The following MAF variants were observed in gnomAD, a reference collection of about 807,000 sequenced individuals.
The protein encoded by MAF is transcription factor Maf.
In MAF, 10 loss-of-function variants were observed where a neutral mutation model predicts 22.0. That is an observed-to-expected ratio of 0.45 (90% CI 0.28 to 0.77). The LOEUF is 0.77. Among genes scored for constraint, MAF ranks in the 30% least tolerant of loss-of-function variants. MAF has a pLI of 0.12. For missense variants in MAF, 544 were observed against 548.4 expected, an observed-to-expected ratio of 0.99 and a Z score of 0.08; for synonymous variants, 337 against 255.8, an observed-to-expected ratio of 1.32 and a Z score of -3.03.
the MAF span, among the ~76,000 whole-genome samples, chr16:79,362,346 C>T: frequency 6.6e-6 from 1 of 152,190 alleles, no homozygotes. Flanking sequence ...CTCTCGCTGA[C>T]ACACACAGAT....
the MAF span, among the ~76,000 whole-genome samples, chr16:79,439,512 G>A: frequency 6.6e-6 from 1 of 151,924 alleles, no homozygotes; most frequent in East Asian, 1.9e-4. Context: ...CACCCACCTC[G>A]GCCTCCCAAA....
chr16:79,481,939 A>C, the MAF span, among the ~76,000 whole-genome samples: 1 of 152,154 alleles, frequency 6.6e-6, no homozygotes, highest in African/African-American at 2.4e-5. Context: ...GACTTAGAGA[A>C]AATTTGTCAG....
At chr16:79,311,478 A>G in the MAF span, among the ~76,000 whole-genome samples, 1 of 148,906 alleles carries the variant, frequency 6.7e-6, no homozygotes, top group African/African-American at 2.5e-5. Context: ...CAAAACCGGC[A>G]TGGGAATATT....
the MAF span, among the ~76,000 whole-genome samples, chr16:79,578,218 T>A: frequency 6.6e-6 from 1 of 152,226 alleles, no homozygotes; most frequent in Non-Finnish European, 1.5e-5. Context: ...TAATATGCTA[T>A]GTGCACTGTA....
chr16:79,558,345 A>G, the MAF span, among the ~76,000 whole-genome samples: 1 of 152,182 alleles, frequency 6.6e-6, no homozygotes. Context: ...GAAGGAAGAG[A>G]GGCTGGTCCA....
the MAF span, among the ~76,000 whole-genome samples, chr16:79,297,385 A>C: frequency 6.6e-6 from 1 of 152,204 alleles, no homozygotes; most frequent in Non-Finnish European, 1.5e-5. Context: ...GACTGTGGGC[A>C]AGGCTTGATG....
chr16:79,464,843 T>A, the MAF span, among the ~76,000 whole-genome samples: 3 of 152,130 alleles, frequency 2.0e-5, no homozygotes, highest in African/African-American at 7.2e-5. Flanking sequence ...AGAAAGTAAG[T>A]CATGGGACCT....
chr16:79,543,544 T>A, the MAF span, among the ~76,000 whole-genome samples: 7,091 of 152,296 alleles, frequency 0.047, 217 homozygotes, highest in South Asian at 0.096. Flanking sequence ...ACAGACGCGC[T>A]CAGTCACAAA....
the MAF span, among the ~76,000 whole-genome samples, chr16:79,511,957 C>T: frequency 3.9e-5 from 6 of 152,310 alleles, 1 homozygote; most frequent in Non-Finnish European, 1.5e-5. Flanking sequence ...GACTGCTGCT[C>T]TGTTATATAT....
the MAF span, among the ~76,000 whole-genome samples, chr16:79,223,461 G>T: frequency 6.6e-6 from 1 of 152,274 alleles, no homozygotes; most frequent in African/African-American, 2.4e-5. Context: ...AACTAGAGAA[G>T]CAAGAGCAAA....
chr16:79,233,471 C>G, the MAF span, among the ~76,000 whole-genome samples: 1 of 151,964 alleles, frequency 6.6e-6, no homozygotes, highest in Non-Finnish European at 1.5e-5. Context: ...TCTCCCAGAG[C>G]TATGCAACTG....
chr16:79,232,276 T>G, the MAF span, among the ~76,000 whole-genome samples: 2 of 152,082 alleles, frequency 1.3e-5, no homozygotes, highest in Non-Finnish European at 2.9e-5. Context: ...ATGGCTGGGT[T>G]GGTGAAATGT....
the MAF span, among the ~76,000 whole-genome samples, chr16:79,517,057 C>T: frequency 6.6e-6 from 1 of 152,160 alleles, no homozygotes; most frequent in African/African-American, 2.4e-5. Context: ...CCATAGCACA[C>T]TGCTCTTTTG....
the MAF span, among the ~76,000 whole-genome samples, chr16:79,439,348 G>A: frequency 4.1e-5 from 6 of 144,802 alleles, no homozygotes; most frequent in African/African-American, 1.0e-4. Context: ...TGCAAGCTCT[G>A]CCTCCCGGGT....
chr16:79,255,464 A>G, the MAF span, among the ~76,000 whole-genome samples: 3 of 152,222 alleles, frequency 2.0e-5, no homozygotes, highest in African/African-American at 7.2e-5. Flanking sequence ...AACTGGATCC[A>G]TCTAGAAAAT....
the MAF span, among the ~76,000 whole-genome samples, chr16:79,377,663 C>A: frequency 6.6e-6 from 1 of 152,146 alleles, no homozygotes. Context: ...GGTTTTAGGT[C>A]TAACATGTAA....
chr16:79,305,173 GGAAGGGAGAGTCATCCGGGGCAGGT>G, the MAF span, among the ~76,000 whole-genome samples: 1 of 152,212 alleles, frequency 6.6e-6, no homozygotes, highest in Non-Finnish European at 1.5e-5. Context: ...GCATTGCAGG[GGAAGGGAGAGTCATCCGGGGCAGGT>G]GAACTGTTTC....
At chr16:79,276,309 A>C in the MAF span, among the ~76,000 whole-genome samples, 1 of 152,166 alleles carries the variant, frequency 6.6e-6, no homozygotes. Context: ...AAATGTTTGC[A>C]GCAGGCCTTC....
the MAF span, among the ~76,000 whole-genome samples, chr16:79,338,516 T>C: frequency 6.6e-6 from 1 of 152,128 alleles, no homozygotes; most frequent in Non-Finnish European, 1.5e-5. Flanking sequence ...GTTAAAGATA[T>C]CCAATGAGAA....
Sources: gnomAD v4.1 joint callset for allele counts (sites outside exome capture counted in the v4.1 genomes callset) on GRCh38, gnomAD v4.1.1 for gene constraint, MANE v1.5 for transcripts, NCBI Gene and HGNC (gene_info 2026-07-23, HGNC 2026-07-21) for gene names.